The following ADCY1 variants were observed in gnomAD, a reference collection of about 807,000 sequenced individuals.
ADCY1 encodes adenylate cyclase 1.
Under a neutral mutation model 105.4 loss-of-function variants are expected in ADCY1, and 28 were observed. The observed-to-expected ratio is 0.27, with a 90% CI of 0.20 to 0.36. The LOEUF is 0.36. ADCY1 is among the 10% of genes least tolerant of loss of function. ADCY1 has a pLI of 1.00. For synonymous variants in ADCY1, 655 were observed against 623.8 expected (o/e 1.05, Z -0.75); for missense variants, 977 against 1,434.2 (o/e 0.68, Z 5.15).
At chr7:45,657,917 A>C in intron 6 of ADCY1, 32 bp downstream of exon 6, 1 of 431,054 alleles carries the variant, frequency 2.3e-6, no homozygotes, top group South Asian at 1.9e-5. Flanking sequence ...GAGGGGAGGG[A>C]GGTGGGTGAT....
At chr7:45,593,032 G>A in intron 2 of ADCY1, 124 bp downstream of exon 2, 1 of 1,360,798 alleles carries the variant, frequency 7.3e-7, no homozygotes, top group Non-Finnish European at 1.0e-6. Context: ...ATTGGTACAT[G>A]TTGGTATTTG....
chr7:45,695,970 C>T (rs771480303), intron 14 of ADCY1, among the ~76,000 whole-genome samples: 16 of 152,142 alleles, frequency 1.1e-4, no homozygotes, highest in Admixed American at 8.5e-4. Context: ...CTCCCTGGTT[C>T]GAAAAGATAG....
chr7:45,617,331 T>A (rs1260114293), intron 3 of ADCY1, among the ~76,000 whole-genome samples: 1 of 151,874 alleles, frequency 6.6e-6, no homozygotes, highest in Non-Finnish European at 1.5e-5. Flanking sequence ...TGCTATGGAG[T>A]CTCGGTCTTG....
intron 12 of ADCY1, among the ~76,000 whole-genome samples, chr7:45,685,582 G>C (rs1378562836): frequency 6.6e-6 from 1 of 151,306 alleles, no homozygotes; most frequent in Admixed American, 6.6e-5. Context: ...GGACAGAGCT[G>C]GGGGCAGGAG....
intron 6 of ADCY1, 75 bp downstream of exon 6, chr7:45,657,960 A>G: frequency 6.7e-7 from 1 of 1,494,268 alleles, no homozygotes; most frequent in Non-Finnish European, 9.0e-7. Flanking sequence ...TCCTTGCTTC[A>G]GGTTCTGGGC....
chr7:45,685,557 G>A (rs951848090), intron 12 of ADCY1, among the ~76,000 whole-genome samples: 1 of 150,442 alleles, frequency 6.6e-6, no homozygotes, highest in Admixed American at 6.6e-5. Context: ...GACGGAGCTA[G>A]GGGCATGATT....
chr7:45,704,670 A>C (rs1442638971), intron 17 of ADCY1, 54 bp downstream of exon 17: 37 of 1,457,484 alleles, frequency 2.5e-5, no homozygotes, highest in Middle Eastern at 2.1e-4. Context: ...CTCTGCCCTA[A>C]ACTGCTCTGG....
intron 12 of ADCY1, among the ~76,000 whole-genome samples, 171 bp from the exon 13 acceptor site, chr7:45,685,791 C>G (rs1264980287): frequency 1.3e-5 from 2 of 152,156 alleles, no homozygotes; most frequent in South Asian, 2.1e-4. Flanking sequence ...CAGTGGGGAG[C>G]CTTGAAGTGC....
At chr7:45,692,568 G>A (rs1484587233) in intron 14 of ADCY1, among the ~76,000 whole-genome samples, 1 of 152,112 alleles carries the variant, frequency 6.6e-6, no homozygotes, top group Non-Finnish European at 1.5e-5. Context: ...AGTGCTAGGT[G>A]GGGTAAGTAT....
intron 8 of ADCY1, among the ~76,000 whole-genome samples, chr7:45,663,181 T>G (rs986738527): frequency 6.6e-6 from 1 of 152,172 alleles, no homozygotes; most frequent in Non-Finnish European, 1.5e-5. Context: ...GTTACCACTT[T>G]CTTCTCTGCC....
At chr7:45,688,873 C>A (rs974201868) in intron 14 of ADCY1, among the ~76,000 whole-genome samples, 1 of 151,792 alleles carries the variant, frequency 6.6e-6, no homozygotes, top group Non-Finnish European at 1.5e-5. Context: ...AGAAACCCAT[C>A]CCCATCAGTT....
Position 45,574,832 on chromosome 7 carries a change from GTGCAC to G in ADCY1, c.293_297del (p.His98ArgfsTer137). 6.2e-7 allele frequency: 1 copy of G among 1,610,202 alleles called. No individual in the cohort carries two copies. The highest frequency in any genetic ancestry group is 2.2e-5 in the East Asian group (1 of 44,782). On this transcript the variant is annotated frameshift_variant, in exon 1 of 20. Transcript: ENST00000297323. LOFTEE classifies it high-confidence loss of function. The surrounding 1 kb of genome is among the most constrained non-coding windows in gnomAD (Gnocchi z 7.0). Reference sequence around the variant, plus strand: ...CGGCCTGGCCAAGGGCTCACACCCGGTGCACTGCGTCCTCTTCCTGGCGCTGCTCG... The same window carrying G: ...CGGCCTGGCCAAGGGCTCACACCCGGTGCGTCCTCTTCCTGGCGCTGCTCG...
chr7:45,690,987 G>A (rs897592059), intron 14 of ADCY1, among the ~76,000 whole-genome samples: 1 of 152,208 alleles, frequency 6.6e-6, no homozygotes, highest in Non-Finnish European at 1.5e-5. Context: ...TATTTACTAG[G>A]GTGCCTGGTT....
intron 14 of ADCY1, among the ~76,000 whole-genome samples, chr7:45,700,256 A>G (rs1405463158): frequency 6.6e-6 from 1 of 152,190 alleles, no homozygotes; most frequent in Non-Finnish European, 1.5e-5. Flanking sequence ...TCCTTGGAGC[A>G]GCAACACCAT....
At position 45,708,487 on chromosome 7, in the gene ADCY1, T is replaced by G. The variant is rs1272281082; in HGVS notation, c.2932+23T>G. The G allele has an allele frequency of 2.6e-6, 4 of 1,557,284 alleles. No individual in the cohort carries two copies. The highest frequency in any genetic ancestry group is 3.5e-6 in the Non-Finnish European group (4 of 1,128,768). On this transcript the variant is annotated intron_variant, in intron 18 of 19. Coordinates refer to ENST00000297323, the MANE Select transcript of ADCY1 (RefSeq NM_021116.4). The surrounding 1 kb of genome is among the most constrained non-coding windows in gnomAD (Gnocchi z 4.7). Reference sequence around the variant, plus strand: ...TTGGTATGTGGCTCTAAACCTATCCTGTCCATCCATGTGGAACACCTTCCT... The same window carrying G: ...TTGGTATGTGGCTCTAAACCTATCCGGTCCATCCATGTGGAACACCTTCCT...
At chr7:45,684,937 G>A (rs1434766685) in intron 11 of ADCY1, 42 bp from the exon 12 acceptor site, 8 of 1,552,696 alleles carry the variant, frequency 5.2e-6, no homozygotes, top group Middle Eastern at 1.7e-4. Flanking sequence ...GAATCACCTT[G>A]GTAATCAGAG....
chr7:45,691,774 G>A (rs969428082), intron 14 of ADCY1, among the ~76,000 whole-genome samples: 7 of 152,138 alleles, frequency 4.6e-5, no homozygotes, highest in African/African-American at 1.7e-4. Flanking sequence ...ACATTTAGAG[G>A]GAAGGTTTCC....
intron 1 of ADCY1, among the ~76,000 whole-genome samples, chr7:45,585,901 G>T (rs907968594): frequency 2.6e-5 from 4 of 152,142 alleles, no homozygotes; most frequent in African/African-American, 9.7e-5. Context: ...TGGAAGTGGC[G>T]CTGTTCTGAG....
chr7:45,655,586 T>C (rs1206634235), intron 5 of ADCY1, among the ~76,000 whole-genome samples: 1 of 152,196 alleles, frequency 6.6e-6, no homozygotes, highest in Admixed American at 6.5e-5. Context: ...AAGTAACTGT[T>C]CAGTTAACGG....
Sources: gnomAD v4.1 joint callset for allele counts (sites outside exome capture counted in the v4.1 genomes callset) on GRCh38, gnomAD v4.1.1 for gene constraint, Gnocchi (gnomAD v3.1) non-coding constraint, MANE v1.5 for transcripts, NCBI Gene and HGNC (gene_info 2026-07-23, HGNC 2026-07-21) for gene names.